Variants in BCKDHB observed in about 807,000 individuals in gnomAD.
BCKDHB encodes the protein 2-oxoisovalerate dehydrogenase subunit beta, mitochondrial.
A neutral mutation model predicts 48.5 loss-of-function variants in BCKDHB; 41 were observed. The ratio of observed to expected loss-of-function variants is 0.85; its 90% CI spans 0.66 to 1.10. The LOEUF is 1.10. Among genes scored for constraint, BCKDHB ranks in the 50% least tolerant of loss-of-function variants. The probability of loss-of-function intolerance (pLI) is 0.00; values close to 1 mark genes in which losing one functional copy is unlikely to be tolerated. For synonymous variants in BCKDHB, 201 were observed against 174.8 expected (o/e 1.15, Z -1.18); for missense variants, 496 against 494.2 (o/e 1.00, Z -0.03).
At chr6:80,161,346 A>G (rs1376819924) in intron 3 of BCKDHB, among the ~76,000 whole-genome samples, 1 of 152,186 alleles carries the variant, frequency 6.6e-6, no homozygotes, top group African/African-American at 2.4e-5. Flanking sequence ...CATACACACT[A>G]TTTAATATAT....
intron 8 of BCKDHB, among the ~76,000 whole-genome samples, chr6:80,204,985 G>C (rs1266974914): frequency 2.0e-5 from 3 of 152,064 alleles, no homozygotes; most frequent in African/African-American, 4.8e-5. Context: ...TCAGACCTCT[G>C]ACTTATTAGC....
chr6:80,107,349 A>AAT lies in BCKDHB; in HGVS notation c.196+469_196+470dup, dbSNP rs1414234950. On this transcript the variant is annotated intron_variant, in intron 1 of 9. Transcript: ENST00000320393. ...TGTATATTATATATATTATATATAAAATATATATATGTATATAAAATCAAT... is the reference window on the plus strand; with the variant it reads ...TGTATATTATATATATTATATATAAAATATATATATATGTATATAAAATCAAT... 2.1e-5 allele frequency among the ~76,000 whole-genome samples: 3 copies of AAT among 145,806 alleles called. No individual in the cohort carries two copies. The South Asian group carries it at 6.4e-4, about 31-fold the overall frequency.
chr6:80,112,447 G>T (rs111402299), intron 1 of BCKDHB, among the ~76,000 whole-genome samples: 32 of 152,112 alleles, frequency 2.1e-4, no homozygotes, highest in African/African-American at 7.5e-4. Flanking sequence ...CAAAAGCCTG[G>T]ATACATGCAC....
intron 9 of BCKDHB, 81 bp from the exon 10 acceptor site, chr6:80,343,583 G>T: frequency 7.0e-7 from 1 of 1,434,508 alleles, no homozygotes. Flanking sequence ...TTTTTAGTAA[G>T]TGAAATATTT....
At chr6:80,219,287 A>G (rs1181987273) in intron 8 of BCKDHB, among the ~76,000 whole-genome samples, 2 of 151,566 alleles carry the variant, frequency 1.3e-5, no homozygotes, top group Non-Finnish European at 2.9e-5. Context: ...GCTCACTGCA[A>G]CCTCTGCCTC....
At chr6:80,404,138 T>A in the BCKDHB span, among the ~76,000 whole-genome samples, 4 of 151,978 alleles carry the variant, frequency 2.6e-5, no homozygotes, top group African/African-American at 7.2e-5. Flanking sequence ...TTAAAGAGTT[T>A]GAGCAGCATT....
At chr6:80,190,177 G>T (rs1773827784) in intron 6 of BCKDHB, among the ~76,000 whole-genome samples, 1 of 152,118 alleles carries the variant, frequency 6.6e-6, no homozygotes, top group African/African-American at 2.4e-5. Flanking sequence ...TGAGAAAATG[G>T]TAGGGAATGG....
At chr6:80,183,871 T>C (rs1000645344) in intron 6 of BCKDHB, among the ~76,000 whole-genome samples, 1 of 152,194 alleles carries the variant, frequency 6.6e-6, no homozygotes, top group Non-Finnish European at 1.5e-5. Flanking sequence ...CTTCCTTCAC[T>C]TAGTACTATG....
At chr6:80,379,841 A>G in the BCKDHB span, among the ~76,000 whole-genome samples, 2 of 152,048 alleles carry the variant, frequency 1.3e-5, no homozygotes, top group South Asian at 2.1e-4. Flanking sequence ...CAATCTATTT[A>G]CAGTAGTCAC....
At chr6:80,261,548 C>G (rs1032662039) in intron 8 of BCKDHB, among the ~76,000 whole-genome samples, 1 of 152,080 alleles carries the variant, frequency 6.6e-6, no homozygotes, top group Non-Finnish European at 1.5e-5. Flanking sequence ...TGTGGAGCAT[C>G]ATACCCTGAG....
intron 9 of BCKDHB, among the ~76,000 whole-genome samples, chr6:80,298,119 C>T (rs1562212549): frequency 6.6e-6 from 1 of 151,250 alleles, no homozygotes; most frequent in Non-Finnish European, 1.5e-5. Context: ...AAATTTCTTT[C>T]TTTTTTTTTC....
chr6:80,235,530 T>G (rs1441568299), intron 8 of BCKDHB, among the ~76,000 whole-genome samples: 1 of 152,184 alleles, frequency 6.6e-6, no homozygotes, highest in Non-Finnish European at 1.5e-5. Context: ...GAAGAGATTA[T>G]TTTTGAATTA....
the BCKDHB span, among the ~76,000 whole-genome samples, chr6:80,436,047 T>A: frequency 1.3e-5 from 2 of 152,172 alleles, no homozygotes; most frequent in East Asian, 3.9e-4. Flanking sequence ...GAAGTTATAG[T>A]TTTTATTCTC....
At chr6:80,318,170 C>G (rs1286831568) in intron 9 of BCKDHB, among the ~76,000 whole-genome samples, 2 of 152,112 alleles carry the variant, frequency 1.3e-5, no homozygotes, top group African/African-American at 4.8e-5. Flanking sequence ...CTCCTAAAAC[C>G]AGATCTGAAA....
chr6:80,240,177 C>G (rs1192014540), intron 8 of BCKDHB, among the ~76,000 whole-genome samples: 1 of 151,978 alleles, frequency 6.6e-6, no homozygotes, highest in African/African-American at 2.4e-5. Context: ...GGCATTGAAT[C>G]ATGAAGAAAG....
At chr6:80,180,909 A>C (rs1189902135) in intron 6 of BCKDHB, among the ~76,000 whole-genome samples, 2 of 152,224 alleles carry the variant, frequency 1.3e-5, no homozygotes, top group African/African-American at 4.8e-5. Context: ...AATTGAATTC[A>C]TTTGTTAGAT....
At chr6:80,158,750 C>T (rs1417367963) in intron 3 of BCKDHB, among the ~76,000 whole-genome samples, 1 of 152,192 alleles carries the variant, frequency 6.6e-6, no homozygotes. Flanking sequence ...AGGAAGTTCA[C>T]TGCAGATAAA....
At chr6:80,434,348 GACTGAAATAAT>G in the BCKDHB span, among the ~76,000 whole-genome samples, 3 of 151,000 alleles carry the variant, frequency 2.0e-5, no homozygotes, top group Non-Finnish European at 4.4e-5. Flanking sequence ...CTACAAAGTA[GACTGAAATAAT>G]ACTCTACAAA....
the BCKDHB span, among the ~76,000 whole-genome samples, chr6:80,396,149 G>A: frequency 6.6e-6 from 1 of 152,158 alleles, no homozygotes; most frequent in African/African-American, 2.4e-5. Context: ...ATTGACTAGT[G>A]GAGCTGTGAG....
Sources: allele counts gnomAD v4.1 joint callset (sites outside exome capture counted in the v4.1 genomes callset), GRCh38; gene constraint gnomAD v4.1.1; transcripts MANE v1.5; gene names NCBI Gene and HGNC (gene_info 2026-07-23, HGNC 2026-07-21).